The following NKAIN2 variants were observed in gnomAD, a reference collection of about 807,000 sequenced individuals.
The protein encoded by NKAIN2 is sodium/potassium transporting ATPase interacting 2.
NKAIN2 carries 14 observed loss-of-function variants against 32.6 expected under a neutral mutation model. The ratio of observed to expected loss-of-function variants is 0.43; its 90% CI spans 0.28 to 0.67. The LOEUF (loss-of-function observed/expected upper bound fraction) is 0.67. Ranked by LOEUF, NKAIN2 falls within the 30% of genes least tolerant of loss-of-function variation. The pLI is 0.17. For synonymous variants in NKAIN2, 80 were observed against 87.2 expected (o/e 0.92, Z 0.46); for missense variants, 198 against 258.3 (o/e 0.77, Z 1.60).
intron 1 of NKAIN2, among the ~76,000 whole-genome samples, chr6:124,054,015 A>C (rs975788261): frequency 6.6e-6 from 1 of 152,104 alleles, no homozygotes; most frequent in Non-Finnish European, 1.5e-5. Context: ...GCATGAATAG[A>C]AACAATGAAT....
chr6:124,345,257 G>C (rs1298219619), intron 2 of NKAIN2, among the ~76,000 whole-genome samples: 1 of 152,012 alleles, frequency 6.6e-6, no homozygotes, highest in Admixed American at 6.6e-5. Context: ...GATGATTTTT[G>C]CATCAATGTT....
rs143684215 is a variant in NKAIN2 at position 124,675,028 on chromosome 6, T to C, written c.474+16642T>C. 3.7e-3 allele frequency among the ~76,000 whole-genome samples: 565 copies of C among 152,172 alleles called. 14 individuals are homozygous for C. Among genetic ancestry groups the C allele is most frequent in the Admixed American group, 0.03 (454 of 15,286 alleles). ...TATGGTTCTTGTTTTACTGGCATAA[T>C]TTCCTTCTATTCATAGTTTGTTGAG... On this transcript the variant is annotated intron_variant, in intron 4 of 6. Transcript: ENST00000368417.
At chr6:124,501,052 C>A (rs372183421) in intron 3 of NKAIN2, among the ~76,000 whole-genome samples, 1 of 151,982 alleles carries the variant, frequency 6.6e-6, no homozygotes, top group Non-Finnish European at 1.5e-5. Flanking sequence ...AAAAGCAGAG[C>A]GGTGAGGTAA....
chr6:123,942,179 A>G (rs1776856351), intron 1 of NKAIN2, among the ~76,000 whole-genome samples: 1 of 151,942 alleles, frequency 6.6e-6, no homozygotes, highest in African/African-American at 2.4e-5. Flanking sequence ...ATGAGAAATT[A>G]TTTTTTCATT....
rs548769373 is a variant in NKAIN2, at chr6:123,974,723, G to A, written c.54+170469G>A. On this transcript the variant is annotated intron_variant, in intron 1 of 6. Transcript: ENST00000368417. ...GAGGGAAGATTATGCAACTGAGATC[G>A]AGCGTGTCAACGGGGACCCTCAAAA... Among the ~76,000 whole-genome samples, 88 of 152,246 alleles carry A rather than the reference G, an allele frequency of 5.8e-4. 1 individual carries two copies. The highest frequency in any genetic ancestry group is 2.0e-3 in the African/African-American group (84 of 41,542).
At chr6:124,386,001 G>A (rs1772883019) in intron 3 of NKAIN2, among the ~76,000 whole-genome samples, 1 of 152,080 alleles carries the variant, frequency 6.6e-6, no homozygotes, top group South Asian at 2.1e-4. Flanking sequence ...AAAGAACTGG[G>A]GGTCCTGGGA....
chr6:124,492,206 T>G (rs1333950331), intron 3 of NKAIN2, among the ~76,000 whole-genome samples: 1 of 152,072 alleles, frequency 6.6e-6, no homozygotes, highest in Admixed American at 6.6e-5. Context: ...TCTAAAGATA[T>G]TCGTTTGAAG....
intron 2 of NKAIN2, among the ~76,000 whole-genome samples, chr6:124,293,638 A>G (rs1179846364): frequency 2.0e-5 from 3 of 152,182 alleles, no homozygotes; most frequent in African/African-American, 7.2e-5. Flanking sequence ...TTTTGGTGAT[A>G]TAAATTTCAT....
intron 4 of NKAIN2, among the ~76,000 whole-genome samples, chr6:124,685,252 A>T (rs565562340): frequency 1.2e-3 from 184 of 152,316 alleles, no homozygotes; most frequent in African/African-American, 4.3e-3. Context: ...CATTAAAAAA[A>T]TTTTCTACCT....
At chr6:124,730,897 G>A (rs9388369) in intron 4 of NKAIN2, among the ~76,000 whole-genome samples, 56,187 of 112,752 alleles carry the variant, frequency 0.5, 13,552 homozygotes, top group East Asian at 0.62. Flanking sequence ...AAAAGTGGGC[G>A]AAGGACATGA....
chr6:123,868,685 T>C (rs1027648483), intron 1 of NKAIN2, among the ~76,000 whole-genome samples: 6 of 152,220 alleles, frequency 3.9e-5, no homozygotes, highest in Admixed American at 2.6e-4. Flanking sequence ...TACCTGAATA[T>C]AGGCAAAGAG....
At chr6:124,165,222 A>C (rs960068294) in intron 1 of NKAIN2, among the ~76,000 whole-genome samples, 2 of 152,066 alleles carry the variant, frequency 1.3e-5, no homozygotes, top group Admixed American at 1.3e-4. Context: ...ATATGCCTTG[A>C]AATATATTAA....
chr6:123,832,690 C>T (rs1422722915), intron 1 of NKAIN2, among the ~76,000 whole-genome samples: 1 of 152,150 alleles, frequency 6.6e-6, no homozygotes, highest in Non-Finnish European at 1.5e-5. Context: ...AGAAGTATCT[C>T]ATTCTTGTTT....
intron 3 of NKAIN2, among the ~76,000 whole-genome samples, chr6:124,632,074 C>G (rs1258422418): frequency 2.0e-5 from 3 of 152,080 alleles, no homozygotes; most frequent in Non-Finnish European, 4.4e-5. Flanking sequence ...TATTTTTCTC[C>G]ATGTGATTTC....
chr6:123,908,588 C>T (rs1029199824), intron 1 of NKAIN2, among the ~76,000 whole-genome samples: 1 of 152,154 alleles, frequency 6.6e-6, no homozygotes, highest in Non-Finnish European at 1.5e-5. Flanking sequence ...CCATGAACTT[C>T]TAAAATTCAG....
chr6:124,316,713 T>C (rs1796967667), intron 2 of NKAIN2, among the ~76,000 whole-genome samples: 1 of 152,146 alleles, frequency 6.6e-6, no homozygotes, highest in Admixed American at 6.6e-5. Context: ...GAAGAGTTTC[T>C]AAAAGTTGGT....
At chr6:124,453,322 AACACAC>A (rs766482280) in intron 3 of NKAIN2, among the ~76,000 whole-genome samples, 8,901 of 63,676 alleles carry the variant, frequency 0.14, 437 homozygotes, top group Admixed American at 0.21. Flanking sequence ...CATGCATATA[AACACAC>A]ACACACACAC....
chr6:124,230,484 A>G (rs919609707), intron 1 of NKAIN2, among the ~76,000 whole-genome samples: 13 of 152,264 alleles, frequency 8.5e-5, no homozygotes, highest in African/African-American at 2.9e-4. Flanking sequence ...AATGGAGAAA[A>G]TGTCTTTAGG....
intron 1 of NKAIN2, among the ~76,000 whole-genome samples, chr6:124,217,786 T>TAA (rs1554267917): frequency 6.6e-6 from 1 of 150,646 alleles, no homozygotes; most frequent in Non-Finnish European, 1.5e-5. Flanking sequence ...TATATATATG[T>TAA]ACACACACAC....
Sources: allele counts gnomAD v4.1 joint callset (sites outside exome capture counted in the v4.1 genomes callset), GRCh38; gene constraint gnomAD v4.1.1; transcripts MANE v1.5; gene names NCBI Gene and HGNC (gene_info 2026-07-23, HGNC 2026-07-21).